The following DLGAP2 variants were observed in gnomAD, a reference collection of about 807,000 sequenced individuals.
DLGAP2 encodes the protein DLG associated protein 2.
A neutral mutation model predicts 100.3 loss-of-function variants in DLGAP2; 26 were observed. The ratio of observed to expected loss-of-function variants is 0.26; its 90% CI spans 0.19 to 0.36. The LOEUF (loss-of-function observed/expected upper bound fraction) is 0.36. Ranked by LOEUF, DLGAP2 falls within the 10% of genes least tolerant of loss-of-function variation. The probability of loss-of-function intolerance (pLI) is 1.00; values close to 1 mark genes in which losing one functional copy is unlikely to be tolerated. For synonymous variants in DLGAP2, 886 were observed against 630.1 expected (o/e 1.41, Z -6.08); for missense variants, 1,858 against 1,453.2 (o/e 1.28, Z -4.53).
intron 1 of DLGAP2, among the ~76,000 whole-genome samples, chr8:773,185 T>C (rs1237478537): frequency 6.6e-6 from 1 of 152,192 alleles, no homozygotes; most frequent in Non-Finnish European, 1.5e-5. Context: ...CAGGGCTGGT[T>C]TCTGCAAAGG....
At chr8:1,267,620 AGATAAAT>A (rs1799491004) in intron 3 of DLGAP2, among the ~76,000 whole-genome samples, 2 of 122,612 alleles carry the variant, frequency 1.6e-5, no homozygotes, top group Non-Finnish European at 3.3e-5. Flanking sequence ...AGATAAGATA[AGATAAAT>A]ATTAAATAGG....
chr8:1,336,457 C>T (rs749588173), intron 3 of DLGAP2, among the ~76,000 whole-genome samples: 9 of 152,308 alleles, frequency 5.9e-5, no homozygotes, highest in Non-Finnish European at 1.3e-4. Flanking sequence ...CTCTTTCCCT[C>T]GTCTTTACAG....
At chr8:1,122,071 T>C (rs975523314) in intron 2 of DLGAP2, among the ~76,000 whole-genome samples, 2 of 152,184 alleles carry the variant, frequency 1.3e-5, no homozygotes, top group African/African-American at 2.4e-5. Flanking sequence ...CCCCAAGCCA[T>C]TGAGCCAGAG....
chr8:1,359,728 T>C (rs1801936155), intron 3 of DLGAP2, among the ~76,000 whole-genome samples: 1 of 152,254 alleles, frequency 6.6e-6, no homozygotes, highest in Admixed American at 6.5e-5. Flanking sequence ...GCGCGTTCCC[T>C]GCGCAGCGTG....
chr8:1,472,673 C>G (rs374431389), intron 3 of DLGAP2, among the ~76,000 whole-genome samples: 1 of 152,086 alleles, frequency 6.6e-6, no homozygotes, highest in African/African-American at 2.4e-5. Flanking sequence ...ACAGATGAGG[C>G]AAGGGGTGCA....
chr8:1,371,685 A>T (rs1479650436), intron 3 of DLGAP2, among the ~76,000 whole-genome samples: 1 of 152,200 alleles, frequency 6.6e-6, no homozygotes, highest in African/African-American at 2.4e-5. Flanking sequence ...TGCTAACAGG[A>T]CATCTCAGGG....
intron 1 of DLGAP2, among the ~76,000 whole-genome samples, chr8:807,934 G>A (rs1277296654): frequency 1.3e-5 from 2 of 152,178 alleles, no homozygotes; most frequent in Non-Finnish European, 2.9e-5. Context: ...TAAGAACCGG[G>A]TCTTGTGATA....
chr8:1,196,928 A>G (rs1468482071), intron 2 of DLGAP2, among the ~76,000 whole-genome samples: 1 of 152,160 alleles, frequency 6.6e-6, no homozygotes, highest in Non-Finnish European at 1.5e-5. Flanking sequence ...GGGGGCTGAG[A>G]GGTCCCACTA....
At chr8:1,041,520 C>T (rs1470799868) in intron 2 of DLGAP2, among the ~76,000 whole-genome samples, 2 of 152,284 alleles carry the variant, frequency 1.3e-5, no homozygotes, top group East Asian at 3.9e-4. Flanking sequence ...AAAGTGTTCT[C>T]TGAGCCCCTT....
chr8:786,810 T>G (rs541318936), intron 1 of DLGAP2, among the ~76,000 whole-genome samples: 19 of 152,076 alleles, frequency 1.2e-4, no homozygotes, highest in African/African-American at 4.3e-4. Context: ...GTCTTCCGTT[T>G]TTTTTTTTTA....
chr8:1,297,414 TG>T (rs1375533603), intron 3 of DLGAP2, among the ~76,000 whole-genome samples: 1 of 152,148 alleles, frequency 6.6e-6, no homozygotes, highest in African/African-American at 2.4e-5. Context: ...GTGAGAAACG[TG>T]GCATGCGCGA....
intron 2 of DLGAP2, among the ~76,000 whole-genome samples, chr8:982,429 A>C (rs1800363715): frequency 1.3e-5 from 2 of 152,230 alleles, no homozygotes; most frequent in Non-Finnish European, 2.9e-5. Flanking sequence ...GCTGTTTAGC[A>C]ATCAGTCGAT....
rs185062611 is a variant in DLGAP2 at position 1,336,354 on chromosome 8, G to C, written c.106+77471G>C. Among the ~76,000 whole-genome samples the C allele has an allele frequency of 7.2e-5, 11 of 152,338 alleles. 1 individual carries two copies. The East Asian group carries it at 1.9e-3, about 27-fold the overall frequency. On this transcript the variant is annotated intron_variant, in intron 3 of 14. Coordinates refer to ENST00000637795, the MANE Select transcript of DLGAP2 (RefSeq NM_001346810.2). ...GAAGGGAGAGGGGTGGTGAGAGAAAGGAAGGAAAGAGCTGGAGGAAAAGTG... is the reference window on the plus strand; with the variant it reads ...GAAGGGAGAGGGGTGGTGAGAGAAACGAAGGAAAGAGCTGGAGGAAAAGTG...
chr8:1,052,567 G>A (rs1802750940), intron 2 of DLGAP2, among the ~76,000 whole-genome samples: 1 of 152,174 alleles, frequency 6.6e-6, no homozygotes, highest in Non-Finnish European at 1.5e-5. Flanking sequence ...CACAGGCAGG[G>A]TCCCTGGAAG....
At chr8:1,336,166 C>G (rs17816653) in intron 3 of DLGAP2, among the ~76,000 whole-genome samples, 1 of 152,202 alleles carries the variant, frequency 6.6e-6, no homozygotes, top group African/African-American at 2.4e-5. Flanking sequence ...TCTGTGGATT[C>G]GTTCTGAGCA....
At chr8:919,095 T>A (rs1387531643) in intron 2 of DLGAP2, among the ~76,000 whole-genome samples, 1 of 152,224 alleles carries the variant, frequency 6.6e-6, no homozygotes, top group Admixed American at 6.5e-5. Context: ...CATCAGCTAC[T>A]GTGTCTGGCC....
chr8:820,457 C>T (rs138805842), intron 1 of DLGAP2, among the ~76,000 whole-genome samples: 290 of 152,110 alleles, frequency 1.9e-3, no homozygotes, highest in African/African-American at 4.4e-3. Flanking sequence ...GATAAGCATC[C>T]GGCATATGTA....
chr8:1,370,636 C>T (rs147313868), intron 3 of DLGAP2, among the ~76,000 whole-genome samples: 1 of 152,236 alleles, frequency 6.6e-6, no homozygotes, highest in African/African-American at 2.4e-5. Context: ...GGGGAGCTGT[C>T]ACACCCAATG....
intron 12 of DLGAP2, among the ~76,000 whole-genome samples, chr8:1,682,537 C>T (rs149183353): frequency 0.013 from 1,918 of 151,604 alleles, 41 homozygotes; most frequent in African/African-American, 0.044. Flanking sequence ...TGCAATGGCA[C>T]GATCTCAGCT....
Sources: gnomAD v4.1 joint callset for allele counts (sites outside exome capture counted in the v4.1 genomes callset) on GRCh38, gnomAD v4.1.1 for gene constraint, MANE v1.5 for transcripts, NCBI Gene and HGNC (gene_info 2026-07-23, HGNC 2026-07-21) for gene names.